The following LY9 variants were observed in gnomAD, a reference collection of about 807,000 sequenced individuals.
The protein encoded by LY9 is T-lymphocyte surface antigen Ly-9.
LY9 carries 59 observed loss-of-function variants against 64.6 expected under a neutral mutation model. That is an observed-to-expected ratio of 0.91 (90% CI 0.74 to 1.13). The LOEUF is 1.13. LY9 is among the 50% of genes most tolerant of loss of function. The probability of loss-of-function intolerance (pLI) is 0.00; values close to 1 mark genes in which losing one functional copy is unlikely to be tolerated. For missense variants in LY9, 789 were observed against 797.2 expected (o/e 0.99, Z 0.12); for synonymous variants, 281 against 308.5 (o/e 0.91, Z 0.93).
intron 2 of LY9, 79 bp from the exon 3 acceptor site, chr1:160,813,557 A>G: frequency 6.9e-7 from 1 of 1,447,570 alleles, no homozygotes; most frequent in Non-Finnish European, 9.4e-7. Context: ...CAACTCCCCT[A>G]TTGTCACTCC....
intron 9 of LY9, chr1:160,824,452 C>T (rs1295109419): frequency 1.0e-6 from 1 of 985,066 alleles, no homozygotes; most frequent in Admixed American, 6.1e-5. Context: ...CTGAACATTT[C>T]TAATTGATTT....
At chr1:160,822,712 A>C (rs1159222962) in intron 7 of LY9, among the ~76,000 whole-genome samples, 2 of 152,228 alleles carry the variant, frequency 1.3e-5, no homozygotes, top group Non-Finnish European at 2.9e-5. Flanking sequence ...ACATCCACCC[A>C]GTGTGCCATG....
At chr1:160,816,206 A>T (rs1667935276) in intron 4 of LY9, among the ~76,000 whole-genome samples, 1 of 152,212 alleles carries the variant, frequency 6.6e-6, no homozygotes, top group East Asian at 1.9e-4. Context: ...TGCATCCCTT[A>T]TCTCATATAA....
chr1:160,797,655 G>A (rs909347362), intron 1 of LY9, among the ~76,000 whole-genome samples: 8 of 152,196 alleles, frequency 5.3e-5, no homozygotes, highest in Non-Finnish European at 8.8e-5. Flanking sequence ...TGGTCTGAAA[G>A]GATGATGCTT....
Position 160,799,810 on chromosome 1 carries a change from G to T in LY9, c.182G>T (p.Gly61Val). 1.2e-6 allele frequency: 2 copies of T among 1,614,122 alleles called. No individual in the cohort carries two copies. The highest frequency in any genetic ancestry group is 1.7e-6 in the Non-Finnish European group (2 of 1,179,972). Residue 61 changes from glycine (G) to valine (V), a missense_variant, in exon 2 of 10, where the codon GGT becomes GTT. Transcript: ENST00000263285. ...ACAGTGGTGTCAGGGATCCTAGGGG[G>T]TTCCGTGACTCTCCCCCTAAACATC... is the stretch of plus-strand genomic sequence containing the variant. ...APTVVSGILG[G>V]SVTLPLNISV...
chr1:160,819,417 A>T, intron 7 of LY9, 43 bp downstream of exon 7: 1 of 1,517,260 alleles, frequency 6.6e-7, no homozygotes, highest in Non-Finnish European at 9.2e-7. Flanking sequence ...TCTGGTCCAA[A>T]TGGAAGTTCT....
intron 1 of LY9, among the ~76,000 whole-genome samples, 172 bp downstream of exon 1, chr1:160,796,483 C>T (rs1558077899): frequency 6.6e-6 from 1 of 152,114 alleles, no homozygotes; most frequent in African/African-American, 2.4e-5. Flanking sequence ...ACCTCCACCT[C>T]CTGGGTTCAA....
intron 4 of LY9, 44 bp from the exon 5 acceptor site, chr1:160,816,550 G>C (rs1349072773): frequency 2.6e-6 from 4 of 1,537,344 alleles, no homozygotes; most frequent in Middle Eastern, 2.0e-4. Context: ...GACTGCTCAG[G>C]GGGCAGGCCT....
chr1:160,805,741 T>TCTCACACA, intron 2 of LY9, among the ~76,000 whole-genome samples: 1 of 140,698 alleles, frequency 7.1e-6, no homozygotes, highest in Admixed American at 7.1e-5. Flanking sequence ...TCTCTCTGTC[T>TCTCACACA]CACACACACA....
At chr1:160,815,742 G>A (rs533313628) in intron 4 of LY9, among the ~76,000 whole-genome samples, 18 of 152,336 alleles carry the variant, frequency 1.2e-4, no homozygotes, top group African/African-American at 4.3e-4. Context: ...GTTGGCTGGG[G>A]TGAAATCAGA....
rs114278810 is a variant in LY9, at chr1:160,804,900, C to T, written c.454+4818C>T. On this transcript the variant is annotated intron_variant, in intron 2 of 9. Transcript: ENST00000263285. Reference sequence around the variant, plus strand: ...TATAGTTGTTCATAATAGTCTCTGACGGTCTTTTGGATTTTGGTCTTTTGT... The same window carrying T: ...TATAGTTGTTCATAATAGTCTCTGATGGTCTTTTGGATTTTGGTCTTTTGT... 3.6e-3 allele frequency among the ~76,000 whole-genome samples: 552 copies of T among 152,100 alleles called. 7 individuals carry two copies. The highest frequency in any genetic ancestry group is 5.2e-3 in the Non-Finnish European group (356 of 67,968).
At position 160,814,759 on chromosome 1, in the gene LY9, A is replaced by T. The variant is rs34832320; in HGVS notation, c.1070A>T (p.Tyr357Phe). Residue 357 changes from tyrosine (Y) to phenylalanine (F), a missense_variant and splice_region_variant, in exon 4 of 10, where the codon TAC becomes TTC. By Grantham distance (22) the Tyr-to-Phe change is conservative. Coordinates refer to ENST00000263285, the MANE Select transcript of LY9 (RefSeq NM_002348.4). Reference sequence around the variant, plus strand: ...ATGACACATGTCACCCTGCTCATCTACCGTGAGTCTCTGGGCAGGGCACCC... The same window carrying T: ...ATGACACATGTCACCCTGCTCATCTTCCGTGAGTCTCTGGGCAGGGCACCC... ...TSMTHVTLLI[Y>F]RRLRKPKITW... is the part of the protein sequence containing the mutation. 5.1e-4 allele frequency: 822 copies of T among 1,610,724 alleles called. 7 individuals carry two copies. The African/African-American group carries it at 6.9e-3, about 14-fold the overall frequency.
At chr1:160,805,514 C>T (rs1666888358) in intron 2 of LY9, among the ~76,000 whole-genome samples, 1 of 152,024 alleles carries the variant, frequency 6.6e-6, no homozygotes, top group Non-Finnish European at 1.5e-5. Flanking sequence ...TGTGGTCTAA[C>T]AAATAGTTTA....
At chr1:160,809,622 A>G (rs4656270) in intron 2 of LY9, 31,923 of 151,894 alleles carry the variant, frequency 0.21, 3,810 homozygotes, top group Admixed American at 0.33. Context: ...TCAGCCTCCA[A>G]AGAAGCTGGT....
Position 160,824,431 on chromosome 1 carries a change from G to A in LY9, c.1899+182G>A. On this transcript the variant is annotated intron_variant, in intron 9 of 9. Coordinates refer to ENST00000263285, the MANE Select transcript of LY9 (RefSeq NM_002348.4). ...ATAAACAAATATTCCTGACATCTGT[G>A]TGACCAAAGGCTGAACATTTCTAAT... 5.1e-6 allele frequency: 5 copies of A among 985,372 alleles called. No individual in the cohort carries two copies. The South Asian group carries it at 2.3e-4, about 46-fold the overall frequency. 61.0% of individuals were successfully genotyped at this position (985,372 alleles called of 1,614,324 possible). A position where few individuals can be genotyped will look rare whatever the true frequency, so the allele number is the denominator to read the frequency against.
chr1:160,803,766 G>A (rs932115338), intron 2 of LY9, among the ~76,000 whole-genome samples: 6 of 152,148 alleles, frequency 3.9e-5, no homozygotes, highest in African/African-American at 1.4e-4. Flanking sequence ...CTAGCACTTT[G>A]GGAGACCAAG....
Position 160,808,980 on chromosome 1 carries a change from C to T in LY9, c.455-4656C>T, listed in dbSNP as rs78923015. Reference sequence around the variant, plus strand: ...GTAAATTCCTTACATGTTATATAATCGCCATAATTCATGTAACGGGTCTCC... The same window carrying T: ...GTAAATTCCTTACATGTTATATAATTGCCATAATTCATGTAACGGGTCTCC... On this transcript the variant is annotated intron_variant, in intron 2 of 9. Coordinates refer to ENST00000263285, the MANE Select transcript of LY9 (RefSeq NM_002348.4). Among the ~76,000 whole-genome samples the T allele has an allele frequency of 3.8e-3, 572 of 152,164 alleles. 1 individual carries two copies. Among genetic ancestry groups the T allele is most frequent in the African/African-American group, 0.013 (539 of 41,498 alleles).
chr1:160,809,576 G>A (rs1308321126), intron 2 of LY9, among the ~76,000 whole-genome samples: 1 of 151,946 alleles, frequency 6.6e-6, no homozygotes, highest in Non-Finnish European at 1.5e-5. Context: ...TGCCCAGGCT[G>A]ATTCCAAACT....
At chr1:160,811,112 C>T (rs1471925835) in intron 2 of LY9, 5 of 152,306 alleles carry the variant, frequency 3.3e-5, no homozygotes, top group Non-Finnish European at 5.9e-5. Flanking sequence ...GAGGAAACCA[C>T]CTCACCCTAC....
Sources: allele counts gnomAD v4.1 joint callset (sites outside exome capture counted in the v4.1 genomes callset), GRCh38; gene constraint gnomAD v4.1.1; transcripts MANE v1.5; gene names NCBI Gene and HGNC (gene_info 2026-07-23, HGNC 2026-07-21).